The following PRAMEF18 variants were observed in gnomAD, a reference collection of about 807,000 sequenced individuals.
The protein encoded by PRAMEF18 is PRAME family member 18.
In PRAMEF18, 15 loss-of-function variants were observed where a neutral mutation model predicts 23.7. That is an observed-to-expected ratio of 0.63 (90% CI 0.42 to 0.97). PRAMEF18 has a LOEUF of 0.97. Among genes scored for constraint, PRAMEF18 ranks in the 50% least tolerant of loss-of-function variants. The probability of loss-of-function intolerance (pLI) is 0.00; values close to 1 mark genes in which losing one functional copy is unlikely to be tolerated. For missense variants in PRAMEF18, 223 were observed against 418.6 expected (o/e 0.53, Z 4.08); for synonymous variants, 78 against 159.9 (o/e 0.49, Z 3.86).
In PRAMEF18 at chr1:13,224,919, T is replaced by G. The variant is rs61780079; in HGVS notation, c.802A>C (p.Asn268His). ...CTTCTTACATAAAGCATCTGGAGGT[T>G]CTCCAGCCTGAGGAGCACAGAGCTG... Residue 268 changes from asparagine to histidine, a missense_variant, in exon 2 of 3, where the codon AAC becomes CAC. Transcript: ENST00000624297. The G allele has an allele frequency of 6.2e-7, 1 of 1,601,048 alleles. No homozygotes were observed. Among genetic ancestry groups the G allele is most frequent in the Admixed American group, 1.7e-5 (1 of 58,690 alleles).
chr1:13,224,604 C>A (rs1388267114), intron 2 of PRAMEF18: 3 of 702,024 alleles, frequency 4.3e-6, no homozygotes, highest in Non-Finnish European at 7.1e-6. Flanking sequence ...AGAGCTGAAC[C>A]CTCCACTAAC....
chr1:13,226,064 G>C, exon 1 of PRAMEF18: 1 of 1,613,182 alleles, frequency 6.2e-7, no homozygotes. Flanking sequence ...AGCAGGCTCT[G>C]CCCTGCCAGC....
At chr1:13,225,604 T>G (rs1194913404) in intron 1 of PRAMEF18, 171 bp from the exon 2 acceptor site, 1 of 1,141,318 alleles carries the variant, frequency 8.8e-7, no homozygotes, top group African/African-American at 1.6e-5. Flanking sequence ...TTCTAGTGCC[T>G]TTACCTTCCA....
At chr1:13,224,890 G>A (rs1227408374) in exon 2 of PRAMEF18, 4 of 1,613,942 alleles carry the variant, frequency 2.5e-6, no homozygotes, top group Admixed American at 1.7e-5. Context: ...TGAAGAAGCA[G>A]ACCCTTCTTA....
intron 1 of PRAMEF18, 57 bp downstream of exon 1, chr1:13,225,763 C>G: frequency 6.2e-7 from 1 of 1,612,434 alleles, no homozygotes. Flanking sequence ...CCCAATTTGT[C>G]TGACCCAGCT....
chr1:13,225,016 G>T (rs375721952), exon 2 of PRAMEF18: 7 of 1,614,060 alleles, frequency 4.3e-6, no homozygotes, highest in African/African-American at 1.3e-5. Flanking sequence ...TGAAGAGTTT[G>T]CGAAGATTCC....
At chr1:13,224,610 C>T (rs1356483500) in intron 2 of PRAMEF18, 189 of 734,712 alleles carry the variant, frequency 2.6e-4, no homozygotes, top group Non-Finnish European at 4.0e-4. Context: ...GAACCCTCCA[C>T]TAACCAGCTC....
At chr1:13,224,868 C>T in exon 2 of PRAMEF18, 1 of 1,613,996 alleles carries the variant, frequency 6.2e-7, no homozygotes, top group Non-Finnish European at 8.5e-7. Flanking sequence ...ATCAGCTGGT[C>T]CAGGTGGCCT....
Position 13,225,046 on chromosome 1 carries a change from GC to G in PRAMEF18, c.674del (p.Ser225ThrfsTer4). 1 of 1,614,184 alleles carries G rather than the reference GC, an allele frequency of 6.2e-7. No homozygotes were observed. The highest frequency in any genetic ancestry group is 8.5e-7 in the Non-Finnish European group (1 of 1,179,972). ...GATTCCTCATCTGGCTCAGGTAACG[GC>G]TAAACTCTACTATCATACACAGCCA... On this transcript the variant is annotated frameshift_variant, in exon 2 of 3. Coordinates refer to ENST00000624297, the Ensembl canonical transcript of PRAMEF18. LOFTEE classifies it high-confidence loss of function.
Position 13,224,842 on chromosome 1 carries a change from C to T in PRAMEF18, c.866+13G>A. On this transcript the variant is annotated intron_variant, in intron 2 of 2. Transcript: ENST00000624297. ...GCTATGGCCCCCAGAGAAAGCTCAC[C>T]ATCCTTCCTCACCTGATCAGCTGGT... 1 of 1,613,890 alleles carries T rather than the reference C, an allele frequency of 6.2e-7. No individual in the cohort carries two copies. The highest frequency in any genetic ancestry group is 1.7e-5 in the Admixed American group (1 of 60,030).
exon 2 of PRAMEF18, chr1:13,225,226 G>A: frequency 6.2e-7 from 1 of 1,612,210 alleles, no homozygotes; most frequent in Non-Finnish European, 8.5e-7. Flanking sequence ...CAGAGAAGAA[G>A]CTCAGATCTT....
intron 2 of PRAMEF18, 65 bp downstream of exon 2, chr1:13,224,790 G>T (rs1420780918): frequency 5.6e-6 from 9 of 1,611,162 alleles, no homozygotes; most frequent in African/African-American, 2.7e-5. Flanking sequence ...ATGCTGATTG[G>T]TGTTTATTGT....
chr1:13,224,865 G>C, exon 2 of PRAMEF18: 2 of 1,614,002 alleles, frequency 1.2e-6, no homozygotes, highest in Non-Finnish European at 1.7e-6. Flanking sequence ...CTGATCAGCT[G>C]GTCCAGGTGG....
In PRAMEF18 at chr1:13,224,846, C is replaced by G; in HGVS notation, c.866+9G>C. 2 of 1,613,910 alleles carry G rather than the reference C, an allele frequency of 1.2e-6. No homozygotes were observed. The highest frequency in any genetic ancestry group is 2.2e-5 in the South Asian group (2 of 91,064). On this transcript the variant is annotated intron_variant, in intron 2 of 2. Coordinates refer to ENST00000624297, the Ensembl canonical transcript of PRAMEF18. ...TGGCCCCCAGAGAAAGCTCACCATC[C>G]TTCCTCACCTGATCAGCTGGTCCAG...
intron 2 of PRAMEF18, 113 bp downstream of exon 2, chr1:13,224,742 C>G: frequency 1.3e-6 from 2 of 1,574,886 alleles, no homozygotes; most frequent in Admixed American, 1.7e-5. Context: ...TTCTAGTGTC[C>G]CCTTCCCTAG....
At chr1:13,224,532 T>C (rs1257981388) in intron 2 of PRAMEF18, 3 of 489,824 alleles carry the variant, frequency 6.1e-6, no homozygotes, top group Admixed American at 3.7e-5. Flanking sequence ...GCCTCTTTTT[T>C]ATCATATTAA....
At chr1:13,225,075 A>C in exon 2 of PRAMEF18, 2 of 1,614,126 alleles carry the variant, frequency 1.2e-6, no homozygotes, top group South Asian at 1.1e-5. Context: ...CACAGCCAGC[A>C]CATGTTCCAA....
chr1:13,224,404 ACAGACAGGGAAT>A (rs1381490837), intron 2 of PRAMEF18: 1 of 235,480 alleles, frequency 4.2e-6, no homozygotes, highest in African/African-American at 2.3e-5. Context: ...ACAACCTTTT[ACAGACAGGGAAT>A]CAGAGAGAGG....
At chr1:13,225,048 T>C (rs1553188535) in exon 2 of PRAMEF18, 1 of 1,614,170 alleles carries the variant, frequency 6.2e-7, no homozygotes, top group East Asian at 2.2e-5. Context: ...AGGTAACGGC[T>C]AAACTCTACT....
Sources: allele counts gnomAD v4.1 joint callset, GRCh38; gene constraint gnomAD v4.1.1; transcripts MANE v1.5; gene names NCBI Gene and HGNC (gene_info 2026-07-23, HGNC 2026-07-21).